The following WWC2 variants were observed in gnomAD, a reference collection of about 807,000 sequenced individuals.
WWC2 encodes WW and C2 domain containing 2.
WWC2 carries 101 observed loss-of-function variants against 138.5 expected under a neutral mutation model. The observed-to-expected ratio is 0.73, with a 90% CI of 0.62 to 0.86. The LOEUF is 0.86. Among genes scored for constraint, WWC2 ranks in the 40% least tolerant of loss-of-function variants. The pLI is 0.00. For synonymous variants in WWC2, 558 were observed against 538.4 expected (o/e 1.04, Z -0.50); for missense variants, 1,420 against 1,419.4 (o/e 1.00, Z -0.01).
intron 21 of WWC2, among the ~76,000 whole-genome samples, chr4:183,300,507 T>C (rs1738798806): frequency 7.2e-6 from 1 of 139,860 alleles, no homozygotes. Flanking sequence ...ATTAATACAC[T>C]GCATTCAAAA....
intron 1 of WWC2, among the ~76,000 whole-genome samples, chr4:183,156,593 A>G (rs1387506314): frequency 1.3e-5 from 2 of 152,064 alleles, no homozygotes; most frequent in African/African-American, 2.4e-5. Context: ...TGGCCTCCCA[A>G]AGTGCTGGGA....
chr4:183,309,518 CAAT>C (rs1317508153), intron 21 of WWC2, among the ~76,000 whole-genome samples: 2 of 152,310 alleles, frequency 1.3e-5, no homozygotes, highest in African/African-American at 4.8e-5. Flanking sequence ...ATTAAAGCAA[CAAT>C]GAGATACCTC....
At position 183,249,984 on chromosome 4, in the gene WWC2, C is replaced by T; in HGVS notation, c.944C>T (p.Ala315Val). Residue 315 changes from alanine to valine, a missense_variant, in exon 8 of 23, where the codon GCC (alanine) becomes GTC (valine). Physicochemically the swap from Ala to Val is moderately conservative, Grantham distance 64 (BLOSUM62 0). Transcript: ENST00000403733. ...AGGCTAAGCCTACAGTATGAAGAAG[C>T]CAAAAGAAGGTAATGACAGAGAAGC... Reference protein sequence around the residue: ...KVRLSLQYEEAKRSMANLKIE... With the variant: ...KVRLSLQYEEVKRSMANLKIE... 1.2e-6 allele frequency: 2 copies of T among 1,613,440 alleles called. No individual in the cohort carries two copies. The highest frequency in any genetic ancestry group is 1.1e-5 in the South Asian group (1 of 90,956).
chr4:183,268,751 G>A (rs932355286), intron 14 of WWC2, among the ~76,000 whole-genome samples: 1 of 152,150 alleles, frequency 6.6e-6, no homozygotes, highest in Non-Finnish European at 1.5e-5. Context: ...GTGAGTGGAG[G>A]CTGGGCCATT....
At chr4:183,258,241 T>G (rs1265815346) in intron 9 of WWC2, among the ~76,000 whole-genome samples, 1 of 152,230 alleles carries the variant, frequency 6.6e-6, no homozygotes, top group Non-Finnish European at 1.5e-5. Flanking sequence ...CTACTTCATA[T>G]TACTTTTTTC....
intron 16 of WWC2, among the ~76,000 whole-genome samples, chr4:183,277,204 C>T (rs1237151371): frequency 6.9e-6 from 1 of 145,378 alleles, no homozygotes; most frequent in Non-Finnish European, 1.5e-5. Context: ...TTGTTCAATT[C>T]CCACCTATGA....
intron 1 of WWC2, among the ~76,000 whole-genome samples, chr4:183,129,881 A>G (rs527254848): frequency 6.6e-6 from 1 of 152,252 alleles, no homozygotes; most frequent in African/African-American, 2.4e-5. Context: ...CAGCTGCACA[A>G]CTTGTCCATT....
chr4:183,101,087 T>TAA (rs1743165381), intron 1 of WWC2, among the ~76,000 whole-genome samples: 1 of 152,264 alleles, frequency 6.6e-6, no homozygotes. Context: ...CCTGTATAAA[T>TAA]ATTTGACTTT....
chr4:183,279,681 A>C lies in WWC2; in HGVS notation c.2563-1095A>C, dbSNP rs532516456. ...CTGTTATTGGTCTATTCAGAGATTC[A>C]ACTTCTTCCTGGTTTAGTCTTGGGA... On this transcript the variant is annotated intron_variant, in intron 16 of 22. Transcript: ENST00000403733. Among the ~76,000 whole-genome samples the C allele has an allele frequency of 1.8e-4, 28 of 152,112 alleles. 1 individual carries two copies. In the South Asian group the frequency reaches 5.8e-3, roughly 32 times the overall value.
At chr4:183,139,772 A>G (rs962162766) in intron 1 of WWC2, among the ~76,000 whole-genome samples, 9 of 152,162 alleles carry the variant, frequency 5.9e-5, no homozygotes, top group African/African-American at 2.2e-4. Context: ...ATCTGCCACC[A>G]TATAACGTTA....
intron 2 of WWC2, among the ~76,000 whole-genome samples, chr4:183,197,295 A>G (rs1735171087): frequency 6.6e-6 from 1 of 152,194 alleles, no homozygotes; most frequent in African/African-American, 2.4e-5. Flanking sequence ...CCCACTGAAA[A>G]CGATCTGGTC....
At chr4:183,195,171 G>A (rs942403284) in intron 2 of WWC2, among the ~76,000 whole-genome samples, 3 of 152,174 alleles carry the variant, frequency 2.0e-5, no homozygotes, top group African/African-American at 7.2e-5. Flanking sequence ...TAAGCACGGT[G>A]TCTCACCCTT....
chr4:183,289,395 G>A lies in WWC2; in HGVS notation c.3144G>A (p.Thr1048=), dbSNP rs757525758. ...TERRSLRVKR[T]VCQSVLRRTT... ...TCATTCCGTTTCTAACTATCCAGAC[G>A]GTTTGCCAGTCAGTCCTTAGAAGAA... Residue 1048 remains threonine (T), a splice_region_variant and synonymous_variant, in exon 21 of 23, where the codon ACG becomes ACA. Coordinates refer to ENST00000403733, the MANE Select transcript of WWC2 (RefSeq NM_024949.6). The A allele has an allele frequency of 2.2e-5, 35 of 1,610,894 alleles. No homozygotes were observed. Among genetic ancestry groups the A allele is most frequent in the Middle Eastern group, 3.3e-4 (2 of 6,056 alleles).
At position 183,290,363 on chromosome 4, in the gene WWC2, A is replaced by T. The variant is rs189959843; in HGVS notation, c.3384+728A>T. On this transcript the variant is annotated intron_variant, in intron 21 of 22. Coordinates refer to ENST00000403733, the MANE Select transcript of WWC2 (RefSeq NM_024949.6). Reference sequence around the variant, plus strand: ...AACCTCGTCTTTACTAAAAATATTTAAAAAATTAGCTGGACGTGGTGGTGT... The same window carrying T: ...AACCTCGTCTTTACTAAAAATATTTTAAAAATTAGCTGGACGTGGTGGTGT... 3.0e-3 allele frequency among the ~76,000 whole-genome samples: 461 copies of T among 152,166 alleles called. 3 individuals are homozygous for T. The highest frequency in any genetic ancestry group is 9.6e-3 in the African/African-American group (399 of 41,510).
intron 1 of WWC2, among the ~76,000 whole-genome samples, chr4:183,180,629 G>A (rs1360135048): frequency 2.0e-5 from 3 of 152,060 alleles, no homozygotes; most frequent in Non-Finnish European, 2.9e-5. Context: ...TATCTGTGGA[G>A]TGAAATACTA....
chr4:183,101,659 G>C (rs185228912), intron 1 of WWC2, among the ~76,000 whole-genome samples: 85 of 152,308 alleles, frequency 5.6e-4, no homozygotes, highest in Admixed American at 1.0e-3. Context: ...AATAGAGTAA[G>C]AGCTGATGGG....
intron 21 of WWC2, among the ~76,000 whole-genome samples, chr4:183,297,912 G>T (rs188964811): frequency 1.3e-5 from 2 of 152,318 alleles, no homozygotes; most frequent in African/African-American, 4.8e-5. Flanking sequence ...TGCACATATG[G>T]CTGCCAGACA....
At chr4:183,223,227 C>A (rs1016781757) in intron 4 of WWC2, among the ~76,000 whole-genome samples, 1 of 152,202 alleles carries the variant, frequency 6.6e-6, no homozygotes, top group Non-Finnish European at 1.5e-5. Flanking sequence ...GTGTAGCAGG[C>A]TATGCTATCT....
intron 1 of WWC2, among the ~76,000 whole-genome samples, chr4:183,143,280 C>T (rs574920150): frequency 4.7e-4 from 71 of 152,250 alleles, no homozygotes; most frequent in Non-Finnish European, 8.7e-4. Context: ...TCAGTGATGG[C>T]GTCGATGTGG....
Sources: gnomAD v4.1 joint callset for allele counts (sites outside exome capture counted in the v4.1 genomes callset) on GRCh38, gnomAD v4.1.1 for gene constraint, MANE v1.5 for transcripts, NCBI Gene and HGNC (gene_info 2026-07-23, HGNC 2026-07-21) for gene names.